Variants in STAB2 observed in about 807,000 individuals in gnomAD.
STAB2 encodes stabilin 2.
Under a neutral mutation model 338.1 loss-of-function variants are expected in STAB2, and 288 were observed. The observed-to-expected ratio is 0.85, with a 90% CI of 0.77 to 0.94. The LOEUF (loss-of-function observed/expected upper bound fraction) is 0.94. Ranked by LOEUF, STAB2 falls within the 40% of genes least tolerant of loss-of-function variation. The pLI is 0.00. For synonymous variants in STAB2, 1,202 were observed against 1,193.3 expected (o/e 1.01, Z -0.15); for missense variants, 3,141 against 3,210.1 (o/e 0.98, Z 0.52).
chr12:103,614,684 T>C (rs1472412422), intron 3 of STAB2, among the ~76,000 whole-genome samples: 1 of 152,202 alleles, frequency 6.6e-6, no homozygotes, highest in Non-Finnish European at 1.5e-5. Context: ...ACCAGAAACA[T>C]TGCCTAGTGT....
rs3833791 is a variant in STAB2, at chr12:103,711,462, C to CT, written c.4289-4dup. 481 of 1,614,108 alleles carry CT rather than the reference C, an allele frequency of 3.0e-4. 3 individuals carry two copies. The East Asian group carries it at 0.011, about 36-fold the overall frequency. On this transcript the variant is annotated splice_polypyrimidine_tract_variant and intron_variant, in intron 39 of 68. Coordinates refer to ENST00000388887, the MANE Select transcript of STAB2 (RefSeq NM_017564.10). ...GAGGGCTAAGACAGCAACTGGTTCT[C>CT]TTTTTCAGCAACCACAGAAGACAAC... is the stretch of plus-strand genomic sequence containing the variant.
chr12:103,733,067 C>A lies in STAB2; in HGVS notation c.5345C>A (p.Pro1782His), dbSNP rs746086680. 2.7e-5 allele frequency: 44 copies of A among 1,614,002 alleles called. No individual in the cohort carries two copies. The highest frequency in any genetic ancestry group is 3.5e-5 in the Non-Finnish European group (41 of 1,180,022). Reference sequence around the variant, plus strand: ...CACACCCCAGTCACTCTCTTCTGGCCCACCGACCAAGCCCTCCATGCCCTA... The same window carrying A: ...CACACCCCAGTCACTCTCTTCTGGCACACCGACCAAGCCCTCCATGCCCTA... The part of the protein sequence containing the change: ...PIHTPVTLFW[P>H]TDQALHALPA... Residue 1782 changes from proline to histidine, a missense_variant, in exon 51 of 69, where the codon CCC (proline) becomes CAC (histidine). Transcript: ENST00000388887.
chr12:103,742,852 G>A (rs987375316), intron 56 of STAB2, among the ~76,000 whole-genome samples: 1 of 152,182 alleles, frequency 6.6e-6, no homozygotes, highest in African/African-American at 2.4e-5. Flanking sequence ...TACTAATAGT[G>A]AATGCTGACA....
intron 63 of STAB2, 66 bp from the exon 64 acceptor site, chr12:103,758,104 T>TCGG (rs2139225962): frequency 6.2e-7 from 1 of 1,604,272 alleles, no homozygotes; most frequent in African/African-American, 1.3e-5. Flanking sequence ...CCTGGGACCT[T>TCGG]CTTCAGCCAC....
At chr12:103,690,308 G>T in intron 29 of STAB2, 116 bp from the exon 30 acceptor site, 1 of 931,880 alleles carries the variant, frequency 1.1e-6, no homozygotes, top group East Asian at 2.5e-5. Flanking sequence ...TAACTGCAGG[G>T]GGAACTTGAA....
chr12:103,735,908 A>C (rs964340021), intron 52 of STAB2, among the ~76,000 whole-genome samples: 1 of 152,074 alleles, frequency 6.6e-6, no homozygotes, highest in Non-Finnish European at 1.5e-5. Context: ...GTATACAGTC[A>C]TTCCTTTCTC....
intron 44 of STAB2, among the ~76,000 whole-genome samples, chr12:103,721,336 C>T (rs750560147): frequency 3.9e-5 from 6 of 152,142 alleles, no homozygotes; most frequent in Non-Finnish European, 8.8e-5. Flanking sequence ...GAAGAGCAAG[C>T]CAGGGGTCCT....
chr12:103,737,487 G>C, intron 52 of STAB2, 147 bp from the exon 53 acceptor site: 1 of 794,976 alleles, frequency 1.3e-6, no homozygotes, highest in African/African-American at 1.7e-5. Context: ...GAATACATGG[G>C]GTTTTATTAA....
At position 103,634,408 on chromosome 12, in the gene STAB2, C is replaced by T. The variant is rs531274734; in HGVS notation, c.584-2703C>T. ...GATTGCTATGATAAAAGGCAAGTAC[C>T]GTGTGAAAATCAATGTGACTGAAAT... On this transcript the variant is annotated intron_variant, in intron 6 of 68. Transcript: ENST00000388887. 2.2e-4 allele frequency among the ~76,000 whole-genome samples: 34 copies of T among 152,196 alleles called. No individual in the cohort carries two copies. In the South Asian group the frequency reaches 4.1e-3, roughly 19 times the overall value.
At chr12:103,692,251 C>G (rs1877997117) in intron 30 of STAB2, among the ~76,000 whole-genome samples, 1 of 152,188 alleles carries the variant, frequency 6.6e-6, no homozygotes, top group African/African-American at 2.4e-5. Context: ...CAAATTCCTG[C>G]TTCTTGTGAG....
At position 103,695,590 on chromosome 12, in the gene STAB2, AC is replaced by A; in HGVS notation, c.3418del (p.Leu1140CysfsTer55). 6.2e-7 allele frequency: 1 copy of A among 1,614,082 alleles called. No individual in the cohort carries two copies. ...AGACGTCTAACTGGCTCCTTACCAA[AC>A]CTGCTCATGCGGCTGGAACAGATGC... ...PQRRLTGSLP[N>X]LLMRLEQMPD... On this transcript the variant is annotated frameshift_variant, in exon 32 of 69. Coordinates refer to ENST00000388887, the MANE Select transcript of STAB2 (RefSeq NM_017564.10). LOFTEE classifies it high-confidence loss of function.
At chr12:103,619,047 A>T (rs576096037) in intron 3 of STAB2, among the ~76,000 whole-genome samples, 2 of 152,218 alleles carry the variant, frequency 1.3e-5, no homozygotes, top group African/African-American at 4.8e-5. Context: ...GTCTTCTGCC[A>T]TAATTTTGAG....
At chr12:103,624,956 A>G (rs1957358150) in intron 5 of STAB2, among the ~76,000 whole-genome samples, 1 of 151,332 alleles carries the variant, frequency 6.6e-6, no homozygotes, top group African/African-American at 2.5e-5. Context: ...AAAAAAAAAA[A>G]AAAAAGGATA....
chr12:103,726,118 G>C lies in STAB2; in HGVS notation c.4806G>C (p.Glu1602Asp), dbSNP rs753355713. Residue 1602 changes from glutamate to aspartate, a missense_variant and splice_region_variant, in exon 46 of 69, where the codon GAG (glutamate) becomes GAC (aspartate). Glu to Asp is a conservative substitution (Grantham distance 45). Transcript: ENST00000388887. ...GTGAAACTACTCTTTGTTTGCAGGAGCTTCCCAAGAACCCGAAAACTTCCC... is the reference window on the plus strand; with the variant it reads ...GTGAAACTACTCTTTGTTTGCAGGACCTTCCCAAGAACCCGAAAACTTCCC... ...GFTCRGSIYQ[E>D]LPKNPKTSQY... is the part of the protein sequence containing the mutation. The C allele has an allele frequency of 2.0e-5, 32 of 1,613,792 alleles. 4 individuals are homozygous for C. In the South Asian group the frequency reaches 3.3e-4, roughly 17 times the overall value.
Position 103,763,586 on chromosome 12 carries a change from A to T in STAB2, c.7583A>T (p.Glu2528Val), listed in dbSNP as rs760737628. ...LYESTTSAPP[E>V]PSYDPFTDSE... ...GAGAGCACAACCTCAGCTCCCCCAG[A>T]ACCTTCCTACGACCCCTTCACGGTG... Residue 2528 changes from glutamate (E) to valine (V), a missense_variant, in exon 68 of 69, where the codon GAA becomes GTA. Transcript: ENST00000388887. 3.7e-6 allele frequency: 6 copies of T among 1,613,968 alleles called. No homozygotes were observed. The African/African-American group carries it at 8.0e-5, about 22-fold the overall frequency.
intron 3 of STAB2, among the ~76,000 whole-genome samples, chr12:103,595,156 A>G (rs1956856787): frequency 6.6e-6 from 1 of 152,184 alleles, no homozygotes; most frequent in African/African-American, 2.4e-5. Context: ...TATCCTTAGT[A>G]TAGATACTAA....
intron 24 of STAB2, among the ~76,000 whole-genome samples, 180 bp downstream of exon 24, chr12:103,676,201 A>G (rs1330646588): frequency 2.6e-5 from 4 of 151,466 alleles, no homozygotes. Flanking sequence ...AGCTGGGATT[A>G]CAGGCACGTG....
chr12:103,609,383 T>C (rs1286680648), intron 3 of STAB2, among the ~76,000 whole-genome samples: 1 of 152,230 alleles, frequency 6.6e-6, no homozygotes, highest in African/African-American at 2.4e-5. Flanking sequence ...TTTGTAGTTC[T>C]CCTTGAAGAG....
rs75485820 is a variant in STAB2, at chr12:103,708,101, C to T, written c.4193-340C>T. Among the ~76,000 whole-genome samples the T allele has an allele frequency of 1.3e-4, 20 of 152,260 alleles. No individual in the cohort carries two copies. The East Asian group carries it at 3.5e-3, about 26-fold the overall frequency. ...CTGAAGTCCATTCTTAAGGGGCAAA[C>T]GTGGTTCCAATCAAAGGAGCCCTGC... is the stretch of plus-strand genomic sequence containing the variant. On this transcript the variant is annotated intron_variant, in intron 38 of 68. Coordinates refer to ENST00000388887, the MANE Select transcript of STAB2 (RefSeq NM_017564.10).
Sources: gnomAD v4.1 joint callset for allele counts (sites outside exome capture counted in the v4.1 genomes callset) on GRCh38, gnomAD v4.1.1 for gene constraint, MANE v1.5 for transcripts, NCBI Gene and HGNC (gene_info 2026-07-23, HGNC 2026-07-21) for gene names.